TMCC3: variants seen among roughly 807,000 people sequenced by gnomAD.
TMCC3 encodes the protein transmembrane and coiled-coil domain family 3, also known as transmembrane and coiled-coil domain protein 3.
Under a neutral mutation model 40.2 loss-of-function variants are expected in TMCC3, and 28 were observed. The ratio of observed to expected loss-of-function variants is 0.70; its 90% confidence interval spans 0.52 to 0.95. TMCC3 has a LOEUF of 0.95. Ranked by LOEUF, TMCC3 falls within the 40% of genes least tolerant of loss-of-function variation. The pLI is 0.00. For missense variants in TMCC3, 554 were observed against 615.2 expected (o/e 0.90, Z 1.05); for synonymous variants, 255 against 248.5 (o/e 1.03, Z -0.25).
chr12:94,640,870 G>A (rs1323712303), intron 1 of TMCC3, among the ~76,000 whole-genome samples: 1 of 152,180 alleles, frequency 6.6e-6, no homozygotes, highest in Non-Finnish European at 1.5e-5. Flanking sequence ...GATGTTGGGG[G>A]CAACGAGGAA....
intron 1 of TMCC3, among the ~76,000 whole-genome samples, chr12:94,635,375 G>A (rs1397480900): frequency 6.6e-6 from 1 of 152,094 alleles, no homozygotes; most frequent in Admixed American, 6.6e-5. Context: ...CCCGAGCTGC[G>A]AGCTGCGATG....
chr12:94,591,916 AGAGCTAACC>A (rs1243866930), intron 1 of TMCC3, among the ~76,000 whole-genome samples: 1 of 152,256 alleles, frequency 6.6e-6, no homozygotes, highest in Non-Finnish European at 1.5e-5. Flanking sequence ...CCTTGCTAAC[AGAGCTAACC>A]TATACTAGAA....
intron 1 of TMCC3, among the ~76,000 whole-genome samples, chr12:94,591,815 C>G (rs1284195463): frequency 1.3e-5 from 2 of 152,170 alleles, no homozygotes; most frequent in Admixed American, 1.3e-4. Flanking sequence ...CTCCCTCTTG[C>G]TATCCTGGGG....
At chr12:94,615,482 G>A (rs976334021) in intron 1 of TMCC3, among the ~76,000 whole-genome samples, 1 of 152,184 alleles carries the variant, frequency 6.6e-6, no homozygotes. Flanking sequence ...GCAAAGGCAG[G>A]ATGACTCAAA....
At chr12:94,645,934 T>C (rs552568241) in intron 1 of TMCC3, among the ~76,000 whole-genome samples, 1 of 152,292 alleles carries the variant, frequency 6.6e-6, no homozygotes, top group East Asian at 1.9e-4. Flanking sequence ...GCACCCGGCA[T>C]GGAGTTAAAC....
chr12:94,589,137 GT>G (rs58282331), intron 1 of TMCC3, among the ~76,000 whole-genome samples: 11 of 135,942 alleles, frequency 8.1e-5, no homozygotes, highest in Non-Finnish European at 1.5e-4. Context: ...TGAGGTTGTT[GT>G]TTTTTTTTAG....
chr12:94,625,091 G>A (rs1305394861), intron 1 of TMCC3, among the ~76,000 whole-genome samples: 6 of 147,634 alleles, frequency 4.1e-5, no homozygotes, highest in Non-Finnish European at 8.9e-5. Context: ...GCAGTGAGCC[G>A]AGATTGCACC....
rs1405933725 is a variant in TMCC3 at position 94,568,778 on chromosome 12, T to C, written c.*2657A>G. The C allele has an allele frequency of 6.6e-6, 1 of 152,182 alleles. No homozygotes were observed. The highest frequency in any genetic ancestry group is 1.9e-4 in the East Asian group (1 of 5,194). 9.4% of individuals were successfully genotyped at this position (152,182 alleles called of 1,614,324 possible). On this transcript the variant is annotated 3_prime_UTR_variant, in exon 4 of 4. Transcript: ENST00000261226. ...CTGCAAAATAAATATGCCAGGTAGG[T>C]TGAGCCTATCCAAGTGAAAACAAGG...
At position 94,587,872 on chromosome 12, in the gene TMCC3, A is replaced by C. The variant is rs1391175187; in HGVS notation, c.79-5334T>G. 2.0e-5 allele frequency among the ~76,000 whole-genome samples: 3 copies of C among 152,240 alleles called. No homozygotes were observed. The East Asian group carries it at 5.8e-4, about 29-fold the overall frequency. ...TTTGGCAGAAAAGACTTTGCTTTTA[A>C]GAATGACTGCTAGCCTCTTTCAATT... On this transcript the variant is annotated intron_variant, in intron 1 of 3. Coordinates refer to ENST00000261226, the MANE Select transcript of TMCC3 (RefSeq NM_020698.4).
chr12:94,577,294 T>C (rs1331116588), intron 3 of TMCC3, among the ~76,000 whole-genome samples: 1 of 152,112 alleles, frequency 6.6e-6, no homozygotes, highest in Non-Finnish European at 1.5e-5. Flanking sequence ...ATTCAAGCAA[T>C]TCTCCCGCCT....
chr12:94,597,937 T>C (rs924274257), intron 1 of TMCC3, among the ~76,000 whole-genome samples: 1 of 152,176 alleles, frequency 6.6e-6, no homozygotes, highest in Non-Finnish European at 1.5e-5. Context: ...GAAGGAATTC[T>C]TTTACCCTCC....
At chr12:94,585,214 CT>C (rs1165548118) in intron 1 of TMCC3, among the ~76,000 whole-genome samples, 2 of 152,094 alleles carry the variant, frequency 1.3e-5, no homozygotes, top group Non-Finnish European at 2.9e-5. Context: ...TAGGAAGGAC[CT>C]TATAGGGCTA....
intron 1 of TMCC3, among the ~76,000 whole-genome samples, chr12:94,646,753 TAA>T (rs1555286789): frequency 0.013 from 1,365 of 106,868 alleles, 16 homozygotes; most frequent in African/African-American, 0.03. Context: ...TTTTTTTTTT[TAA>T]AAAACAAATA....
rs747401279 is a variant in TMCC3, at chr12:94,581,641, G to A, written c.976C>T (p.Leu326=). 6.4e-7 allele frequency: 1 copy of A among 1,572,806 alleles called. No individual in the cohort carries two copies. The highest frequency in any genetic ancestry group is 8.7e-7 in the Non-Finnish European group (1 of 1,153,582). Residue 326 remains leucine (L), a synonymous_variant, in exon 2 of 4, where the codon CTG becomes TTG. Transcript: ENST00000261226. ...AAATACCTGTATCTTTCCTCTTGCA[G>A]GGTCTGAGAAATAAAACCATATTCT... ...KREYGFISQT[L]QEERYRYERL...
At chr12:94,580,789 G>A (rs1195483753) in intron 2 of TMCC3, among the ~76,000 whole-genome samples, 1 of 152,148 alleles carries the variant, frequency 6.6e-6, no homozygotes, top group Non-Finnish European at 1.5e-5. Context: ...CAAGATTGAT[G>A]TGCCAAATAA....
intron 3 of TMCC3, among the ~76,000 whole-genome samples, chr12:94,576,611 G>A (rs928835327): frequency 6.6e-6 from 1 of 152,142 alleles, no homozygotes; most frequent in East Asian, 1.9e-4. Context: ...GAGTTTCTGG[G>A]ACTACAGGTA....
At chr12:94,579,837 C>G (rs1189726535) in intron 2 of TMCC3, among the ~76,000 whole-genome samples, 4 of 152,222 alleles carry the variant, frequency 2.6e-5, no homozygotes, top group Middle Eastern at 3.2e-3. Context: ...CAGATGCAAA[C>G]AGAAACCGTC....
intron 1 of TMCC3, among the ~76,000 whole-genome samples, chr12:94,603,551 A>C (rs1228280240): frequency 6.6e-6 from 1 of 152,238 alleles, no homozygotes; most frequent in Admixed American, 6.5e-5. Flanking sequence ...AAGAAGCCAC[A>C]CACAAAAATG....
Position 94,567,770 on chromosome 12 carries a change from C to T in TMCC3, c.*3665G>A, listed in dbSNP as rs1477962571. The T allele has an allele frequency of 6.6e-6, 1 of 152,212 alleles. No homozygotes were observed. The highest frequency in any genetic ancestry group is 1.5e-5 in the Non-Finnish European group (1 of 68,042). 9.4% of individuals were successfully genotyped at this position (152,212 alleles called of 1,614,324 possible). A position where few individuals can be genotyped will look rare whatever the true frequency, so the allele number is the denominator to read the frequency against. On this transcript the variant is annotated 3_prime_UTR_variant, in exon 4 of 4. Coordinates refer to ENST00000261226, the MANE Select transcript of TMCC3 (RefSeq NM_020698.4). ...AAATATGTAAAATAGGTTGTTTAAT[C>T]ACACATGTTCATATGAATAAATATA...
Sources: allele counts gnomAD v4.1 joint callset (sites outside exome capture counted in the v4.1 genomes callset), GRCh38; gene constraint gnomAD v4.1.1; transcripts MANE v1.5; gene names NCBI Gene and HGNC (gene_info 2026-07-23, HGNC 2026-07-21).